The following GRID2 variants were observed in gnomAD, a reference collection of about 807,000 sequenced individuals.
GRID2 encodes the protein glutamate receptor ionotropic, delta-2.
GRID2 carries 33 observed loss-of-function variants against 114.8 expected under a neutral mutation model. The ratio of observed to expected loss-of-function variants is 0.29; its 90% CI spans 0.22 to 0.38. The LOEUF (loss-of-function observed/expected upper bound fraction) is 0.38, where lower values mean the gene tolerates loss of function less well. Among genes scored for constraint, GRID2 ranks in the 10% least tolerant of loss-of-function variants. The pLI, the probability that GRID2 is intolerant of heterozygous loss-of-function variation, is 1.00. For missense variants in GRID2, 1,184 were observed against 1,257.7 expected, an observed-to-expected ratio of 0.94 and a Z score of 0.89; for synonymous variants, 505 against 449.9, an observed-to-expected ratio of 1.12 and a Z score of -1.55.
intron 12 of GRID2, among the ~76,000 whole-genome samples, chr4:93,501,023 A>G (rs778166211): frequency 6.6e-6 from 1 of 152,024 alleles, no homozygotes; most frequent in African/African-American, 2.4e-5. Context: ...GGGTTGTTTT[A>G]TCATCTTTGT....
At chr4:93,418,294 T>C (rs2149361871) in intron 9 of GRID2, among the ~76,000 whole-genome samples, 1 of 152,096 alleles carries the variant, frequency 6.6e-6, no homozygotes, top group African/African-American at 2.4e-5. Flanking sequence ...TTGTTTATTC[T>C]TCCTTCACCC....
Position 93,386,055 on chromosome 4 carries a change from A to G in GRID2, c.1246-9552A>G, listed in dbSNP as rs190072223. Among the ~76,000 whole-genome samples, 153 of 152,302 alleles carry G rather than the reference A, an allele frequency of 1.0e-3. 1 individual carries two copies. Among genetic ancestry groups the G allele is most frequent in the Non-Finnish European group, 9.6e-4 (65 of 68,016 alleles). On this transcript the variant is annotated intron_variant, in intron 8 of 15. Transcript: ENST00000282020. Reference sequence around the variant, plus strand: ...CAGAAGGGTTTATTATTAAAAAAAAAATGTGTTTTCTCAAGGACCCCAAAA... The same window carrying G: ...CAGAAGGGTTTATTATTAAAAAAAAGATGTGTTTTCTCAAGGACCCCAAAA...
intron 13 of GRID2, among the ~76,000 whole-genome samples, chr4:93,591,800 G>A (rs377658543): frequency 3.2e-4 from 48 of 152,200 alleles, no homozygotes; most frequent in East Asian, 1.2e-3. Flanking sequence ...TGTATGTGTC[G>A]AGGAATTTAT....
intron 2 of GRID2, among the ~76,000 whole-genome samples, chr4:92,981,280 A>G (rs888175157): frequency 1.3e-5 from 2 of 152,048 alleles, no homozygotes; most frequent in Non-Finnish European, 2.9e-5. Flanking sequence ...TTCATTTTTC[A>G]TAAAACATTA....
At chr4:93,135,887 T>C (rs1335600795) in intron 4 of GRID2, among the ~76,000 whole-genome samples, 6 of 152,300 alleles carry the variant, frequency 3.9e-5, no homozygotes, top group Admixed American at 2.0e-4. Context: ...AAAATACTTA[T>C]TATATGTGGA....
At chr4:92,896,235 T>G (rs1346814148) in intron 2 of GRID2, among the ~76,000 whole-genome samples, 8 of 152,180 alleles carry the variant, frequency 5.3e-5, no homozygotes, top group Admixed American at 5.2e-4. Context: ...AGGCAATATG[T>G]ATTCAAGGGC....
chr4:93,398,766 T>C (rs934840309), intron 9 of GRID2, among the ~76,000 whole-genome samples: 7 of 146,178 alleles, frequency 4.8e-5, no homozygotes, highest in East Asian at 3.9e-4. Flanking sequence ...TTTTTTTTTT[T>C]CAAGTCTTCT....
chr4:93,184,411 A>G (rs1368966068), intron 4 of GRID2, among the ~76,000 whole-genome samples: 1 of 146,414 alleles, frequency 6.8e-6, no homozygotes, highest in Admixed American at 7.2e-5. Flanking sequence ...TTTGGCTCTA[A>G]TTTTGTATAT....
intron 2 of GRID2, among the ~76,000 whole-genome samples, chr4:92,819,167 A>C (rs143834832): frequency 6.6e-6 from 1 of 152,272 alleles, no homozygotes; most frequent in East Asian, 1.9e-4. Context: ...TCATTCAAAG[A>C]ATTATCTAGA....
chr4:92,715,405 T>G (rs1357528238), intron 2 of GRID2, among the ~76,000 whole-genome samples: 2 of 152,162 alleles, frequency 1.3e-5, no homozygotes, highest in Admixed American at 6.6e-5. Context: ...GGTTCTAACT[T>G]CTGCCTGTCA....
At chr4:93,278,898 G>T (rs1215512128) in intron 8 of GRID2, among the ~76,000 whole-genome samples, 2 of 151,654 alleles carry the variant, frequency 1.3e-5, no homozygotes, top group African/African-American at 2.4e-5. Flanking sequence ...CAAAATATCT[G>T]CTCCCTTATT....
At chr4:92,964,014 C>T (rs1368802211) in intron 2 of GRID2, among the ~76,000 whole-genome samples, 2 of 151,954 alleles carry the variant, frequency 1.3e-5, no homozygotes, top group African/African-American at 4.8e-5. Flanking sequence ...TTTCTGAGCA[C>T]CAGTTCGCAG....
At chr4:92,907,972 G>A (rs964474893) in intron 2 of GRID2, among the ~76,000 whole-genome samples, 17 of 152,016 alleles carry the variant, frequency 1.1e-4, no homozygotes, top group Admixed American at 3.9e-4. Flanking sequence ...GCAGTGAGCC[G>A]AGACTATGGC....
At position 93,532,355 on chromosome 4, in the gene GRID2, G is replaced by A. The variant is rs561262110; in HGVS notation, c.2193+16944G>A. ...TAGCTACTCACAAATTATTGCTTTC[G>A]CCTTCCATGACAAGGCCAACAATAT... On this transcript the variant is annotated intron_variant, in intron 13 of 15. Transcript: ENST00000282020. 3.3e-5 allele frequency among the ~76,000 whole-genome samples: 5 copies of A among 152,110 alleles called. No homozygotes were observed. The South Asian group carries it at 8.3e-4, about 25-fold the overall frequency.
chr4:93,353,362 C>T (rs1398235592), intron 8 of GRID2, among the ~76,000 whole-genome samples: 1 of 151,948 alleles, frequency 6.6e-6, no homozygotes, highest in Non-Finnish European at 1.5e-5. Flanking sequence ...GGAAAAGTAA[C>T]AGTACACAGA....
intron 1 of GRID2, among the ~76,000 whole-genome samples, chr4:92,534,579 T>C (rs1725514371): frequency 1.3e-5 from 2 of 152,152 alleles, no homozygotes; most frequent in East Asian, 1.9e-4. Context: ...ATGATAGCAA[T>C]TTAAGTGTTA....
At chr4:92,408,412 T>C (rs2110295015) in intron 1 of GRID2, among the ~76,000 whole-genome samples, 1 of 150,128 alleles carries the variant, frequency 6.7e-6, no homozygotes, top group South Asian at 2.1e-4. Context: ...TGCTTACAAT[T>C]ATATTGCCTA....
chr4:92,954,468 C>A (rs1752246187), intron 2 of GRID2, among the ~76,000 whole-genome samples: 1 of 151,860 alleles, frequency 6.6e-6, no homozygotes, highest in East Asian at 1.9e-4. Flanking sequence ...ACTCTGTCGC[C>A]CAGACTGGAG....
At chr4:92,826,183 A>C (rs552966871) in intron 2 of GRID2, among the ~76,000 whole-genome samples, 1 of 151,998 alleles carries the variant, frequency 6.6e-6, no homozygotes, top group Admixed American at 6.6e-5. Flanking sequence ...ACTCATTCCT[A>C]CTTATTTCTC....
Sources: gnomAD v4.1 joint callset for allele counts (sites outside exome capture counted in the v4.1 genomes callset) on GRCh38, gnomAD v4.1.1 for gene constraint, MANE v1.5 for transcripts, NCBI Gene and HGNC (gene_info 2026-07-23, HGNC 2026-07-21) for gene names.